EXOC4: variants seen among roughly 807,000 people sequenced by gnomAD.
EXOC4 encodes exocyst complex component 4.
A neutral mutation model predicts 107.2 loss-of-function variants in EXOC4; 71 were observed. That is an observed-to-expected ratio of 0.66 (90% CI 0.55 to 0.81). The LOEUF (loss-of-function observed/expected upper bound fraction) is 0.81, where lower values mean the gene tolerates loss of function less well. Ranked by LOEUF, EXOC4 falls within the 30% of genes least tolerant of loss-of-function variation. The probability of loss-of-function intolerance (pLI) is 0.00; values close to 1 mark genes in which losing one functional copy is unlikely to be tolerated. For synonymous variants in EXOC4, 456 were observed against 441.2 expected, an observed-to-expected ratio of 1.03 and a Z score of -0.42; for missense variants, 1,108 against 1,189.6, an observed-to-expected ratio of 0.93 and a Z score of 1.01.
intron 14 of EXOC4, among the ~76,000 whole-genome samples, chr7:133,979,137 C>T (rs1330508799): frequency 6.6e-6 from 1 of 152,156 alleles, no homozygotes; most frequent in Non-Finnish European, 1.5e-5. Context: ...CCTGATTTGT[C>T]AGTGTTTTTA....
At chr7:134,058,197 A>G (rs1795974648) in intron 17 of EXOC4, among the ~76,000 whole-genome samples, 1 of 152,220 alleles carries the variant, frequency 6.6e-6, no homozygotes, top group Non-Finnish European at 1.5e-5. Context: ...TTGGCTAAAA[A>G]TAATGTTGGG....
intron 11 of EXOC4, among the ~76,000 whole-genome samples, chr7:133,853,315 C>G (rs1585198831): frequency 6.7e-6 from 1 of 149,172 alleles, no homozygotes; most frequent in Admixed American, 6.8e-5. Flanking sequence ...CTCTCTCCCT[C>G]TCTTTCTGTC....
At chr7:133,738,742 G>A (rs573400470) in intron 10 of EXOC4, among the ~76,000 whole-genome samples, 1 of 152,316 alleles carries the variant, frequency 6.6e-6, no homozygotes, top group East Asian at 1.9e-4. Flanking sequence ...TGAAGATAAT[G>A]TTACATCTCC....
intron 6 of EXOC4, among the ~76,000 whole-genome samples, chr7:133,364,236 TC>T (rs1418508594): frequency 6.6e-6 from 1 of 151,812 alleles, no homozygotes; most frequent in East Asian, 1.9e-4. Flanking sequence ...GCTCAAGAGA[TC>T]CTCCTGCTTT....
intron 11 of EXOC4, among the ~76,000 whole-genome samples, chr7:133,829,432 A>G (rs867103199): frequency 2.0e-5 from 3 of 152,314 alleles, no homozygotes; most frequent in Middle Eastern, 3.4e-3. Flanking sequence ...GGGATCCACT[A>G]GTTCCGCTCT....
intron 7 of EXOC4, among the ~76,000 whole-genome samples, chr7:133,454,922 A>T (rs1563072464): frequency 6.6e-6 from 1 of 152,074 alleles, no homozygotes; most frequent in African/African-American, 2.4e-5. Context: ...AACGTGGTGA[A>T]AACCTATCTC....
At chr7:133,431,475 C>A (rs1444704838) in intron 7 of EXOC4, among the ~76,000 whole-genome samples, 2 of 152,130 alleles carry the variant, frequency 1.3e-5, no homozygotes, top group African/African-American at 2.4e-5. Flanking sequence ...GAGTCACTTG[C>A]CTTAAAAAAT....
chr7:133,888,570 A>C (rs1799136513), intron 11 of EXOC4, among the ~76,000 whole-genome samples: 3 of 152,376 alleles, frequency 2.0e-5, no homozygotes, highest in South Asian at 4.1e-4. Context: ...TTTTTCAGAT[A>C]TAACACTGAT....
chr7:133,992,739 G>A (rs903488089), intron 14 of EXOC4, among the ~76,000 whole-genome samples: 1 of 148,320 alleles, frequency 6.7e-6, no homozygotes, highest in South Asian at 2.2e-4. Context: ...CTTGGATGCC[G>A]TTTCTTTCTT....
chr7:133,663,552 C>T (rs1161232700), intron 10 of EXOC4, among the ~76,000 whole-genome samples: 2 of 152,150 alleles, frequency 1.3e-5, no homozygotes, highest in African/African-American at 4.8e-5. Context: ...CTATGTTCAA[C>T]ACCTTCTTTC....
chr7:133,647,953 T>TA lies in EXOC4; in HGVS notation c.1514+17813dup, dbSNP rs1336181299. Among the ~76,000 whole-genome samples the TA allele has an allele frequency of 3.9e-5, 6 of 152,252 alleles. No homozygotes were observed. In the East Asian group the frequency reaches 1.2e-3, roughly 29 times the overall value. On this transcript the variant is annotated intron_variant, in intron 10 of 17. Coordinates refer to ENST00000253861, the MANE Select transcript of EXOC4 (RefSeq NM_021807.4). Reference sequence around the variant, plus strand: ...AGATGAGCTCCTCAGAACACTTTGTTATGTTGGTCCAGCCCAGTCACTATG... The same window carrying TA: ...AGATGAGCTCCTCAGAACACTTTGTTAATGTTGGTCCAGCCCAGTCACTATG...
chr7:133,850,556 G>T (rs1798219313), intron 11 of EXOC4, among the ~76,000 whole-genome samples: 1 of 151,664 alleles, frequency 6.6e-6, no homozygotes, highest in South Asian at 2.1e-4. Flanking sequence ...TTCTCTTTGG[G>T]AAATGCCGTA....
intron 17 of EXOC4, among the ~76,000 whole-genome samples, chr7:134,040,593 G>A (rs1219133221): frequency 6.6e-6 from 1 of 152,082 alleles, no homozygotes; most frequent in Non-Finnish European, 1.5e-5. Flanking sequence ...ATAAATATTT[G>A]ATCATTTCAA....
chr7:133,798,618 C>A (rs1352503819), intron 10 of EXOC4, among the ~76,000 whole-genome samples: 1 of 152,104 alleles, frequency 6.6e-6, no homozygotes, highest in Non-Finnish European at 1.5e-5. Flanking sequence ...AGATTAGGAG[C>A]CTGAGTGGTC....
chr7:133,784,353 G>T (rs1333084706), intron 10 of EXOC4, among the ~76,000 whole-genome samples: 1 of 152,160 alleles, frequency 6.6e-6, no homozygotes. Context: ...TAATTATTCA[G>T]TAGGTATATT....
intron 12 of EXOC4, among the ~76,000 whole-genome samples, chr7:133,897,732 A>G (rs1173098629): frequency 1.8e-5 from 2 of 113,198 alleles, no homozygotes; most frequent in Non-Finnish European, 3.4e-5. Flanking sequence ...ATTGACAAAT[A>G]ATAATTATAT....
rs548966270 is a variant in EXOC4, at chr7:134,023,020, T to C, written c.2687+15185T>C. On this transcript the variant is annotated intron_variant, in intron 17 of 17. Transcript: ENST00000253861. ...TTTTCCCCATTCGATGTTAACCTCT[T>C]TCTTTGAACTATTATTTATATTTAG... is the stretch of plus-strand genomic sequence containing the variant. Among the ~76,000 whole-genome samples, 4 of 152,354 alleles carry C rather than the reference T, an allele frequency of 2.6e-5. No homozygotes were observed. The East Asian group carries it at 7.7e-4, about 29-fold the overall frequency.
chr7:133,387,440 T>C (rs1796753312), intron 7 of EXOC4, among the ~76,000 whole-genome samples: 1 of 152,200 alleles, frequency 6.6e-6, no homozygotes, highest in Admixed American at 6.5e-5. Flanking sequence ...GTCAGTTTTA[T>C]TTAGAGTAGC....
Position 133,275,176 on chromosome 7 carries a change from T to C in EXOC4, c.276+5T>C. 6.3e-7 allele frequency: 1 copy of C among 1,585,628 alleles called. No homozygotes were observed. ...TCCCGAAATAAAATAAAGCAGGTAT[T>C]CCTCCTTTCTGGTCTGATGGTGGCA... On this transcript the variant is annotated splice_donor_5th_base_variant and intron_variant, in intron 2 of 17. Coordinates refer to ENST00000253861, the MANE Select transcript of EXOC4 (RefSeq NM_021807.4).
Sources: allele counts gnomAD v4.1 joint callset (sites outside exome capture counted in the v4.1 genomes callset), GRCh38; gene constraint gnomAD v4.1.1; transcripts MANE v1.5; gene names NCBI Gene and HGNC (gene_info 2026-07-23, HGNC 2026-07-21).